The following TEAD1 variants were observed in gnomAD, a reference collection of about 807,000 sequenced individuals.
TEAD1 encodes the protein transcriptional enhancer factor TEF-1.
TEAD1 carries 9 observed loss-of-function variants against 54.9 expected under a neutral mutation model. The ratio of observed to expected loss-of-function variants is 0.16; its 90% CI spans 0.10 to 0.29. The LOEUF (loss-of-function observed/expected upper bound fraction) is 0.29, where lower values mean the gene tolerates loss of function less well. Ranked by LOEUF, TEAD1 falls within the 10% of genes least tolerant of loss-of-function variation. TEAD1 has a pLI of 1.00. For synonymous variants in TEAD1, 200 were observed against 187.8 expected (o/e 1.07, Z -0.53); for missense variants, 387 against 535.9 (o/e 0.72, Z 2.74).
intron 3 of TEAD1, among the ~76,000 whole-genome samples, chr11:12,779,531 T>G (rs1236582460): frequency 6.6e-6 from 1 of 152,196 alleles, no homozygotes; most frequent in African/African-American, 2.4e-5. Flanking sequence ...ATCTCACAAC[T>G]TCAGTGTGAA....
intron 2 of TEAD1, among the ~76,000 whole-genome samples, chr11:12,720,006 C>A (rs77206622): frequency 1.2e-5 from 1 of 84,510 alleles, no homozygotes; most frequent in African/African-American, 4.3e-5. Context: ...GGGGGGGACC[C>A]AGCCATGCTG....
At chr11:12,837,793 T>TC (rs58426478) in intron 3 of TEAD1, among the ~76,000 whole-genome samples, 2 of 18,484 alleles carry the variant, frequency 1.1e-4, no homozygotes, top group Non-Finnish European at 2.6e-4. Context: ...TCTTCCTTCT[T>TC]TCTTCCTTCT....
chr11:12,875,590 G>A (rs1374313192), intron 5 of TEAD1, among the ~76,000 whole-genome samples: 1 of 152,180 alleles, frequency 6.6e-6, no homozygotes, highest in African/African-American at 2.4e-5. Context: ...ATAAAGGGGA[G>A]ATGTTATAAA....
chr11:12,851,023 C>T, intron 3 of TEAD1: 2 of 917,450 alleles, frequency 2.2e-6, no homozygotes, highest in Non-Finnish European at 2.6e-6. Context: ...ATTGGCAGTG[C>T]TGTCTAATTT....
At chr11:12,914,056 ACT>A (rs1948665552) in intron 10 of TEAD1, among the ~76,000 whole-genome samples, 1 of 151,670 alleles carries the variant, frequency 6.6e-6, no homozygotes, top group African/African-American at 2.4e-5. Flanking sequence ...CTGAGACCTG[ACT>A]CTTTCATCCT....
intron 3 of TEAD1, among the ~76,000 whole-genome samples, chr11:12,814,840 T>TCC (rs1176512685): frequency 5.1e-4 from 71 of 139,306 alleles, no homozygotes; most frequent in Middle Eastern, 3.7e-3. Flanking sequence ...TGTGTGTGTG[T>TCC]CCCCGTCCGT....
chr11:12,906,414 C>T lies in TEAD1; in HGVS notation c.873+4301C>T, dbSNP rs564188175. On this transcript the variant is annotated intron_variant, in intron 10 of 12. Transcript: ENST00000527636. ...AAATTAGCCGGGTGTGGTGGCGGGC[C>T]CCTCTAGTCCCAGCTACTTGGGAGG... is the stretch of plus-strand genomic sequence containing the variant. 4.0e-4 allele frequency among the ~76,000 whole-genome samples: 61 copies of T among 151,620 alleles called. No individual in the cohort carries two copies. The South Asian group carries it at 0.012, about 29-fold the overall frequency.
At chr11:12,798,704 G>A (rs1352334045) in intron 3 of TEAD1, among the ~76,000 whole-genome samples, 3 of 152,232 alleles carry the variant, frequency 2.0e-5, no homozygotes, top group Admixed American at 2.0e-4. Flanking sequence ...TGTATTTACG[G>A]TTGAGTTTGG....
chr11:12,703,463 G>T (rs1943745293), intron 2 of TEAD1, among the ~76,000 whole-genome samples: 1 of 152,150 alleles, frequency 6.6e-6, no homozygotes, highest in Admixed American at 6.5e-5. Context: ...TGTTTTGCCT[G>T]CCCAAGCCTC....
chr11:12,732,158 A>G (rs1944437020), intron 2 of TEAD1, among the ~76,000 whole-genome samples: 2 of 151,996 alleles, frequency 1.3e-5, no homozygotes, highest in Admixed American at 6.6e-5. Flanking sequence ...TCAGCTGGTC[A>G]TTATATCCTT....
chr11:12,800,315 C>T (rs1297361197), intron 3 of TEAD1, among the ~76,000 whole-genome samples: 1 of 152,224 alleles, frequency 6.6e-6, no homozygotes, highest in South Asian at 2.1e-4. Context: ...TGTGATCTTG[C>T]ATAAATTATC....
At chr11:12,925,116 T>C (rs1948883098) in intron 11 of TEAD1, 64 bp downstream of exon 11, 1 of 1,583,152 alleles carries the variant, frequency 6.3e-7, no homozygotes, top group South Asian at 1.1e-5. Flanking sequence ...CCTTTAAACC[T>C]TCCTTGGGGC....
At position 12,835,438 on chromosome 11, in the gene TEAD1, T is replaced by A. The variant is rs1040275053; in HGVS notation, c.203-26812T>A. On this transcript the variant is annotated intron_variant, in intron 3 of 12. Coordinates refer to ENST00000527636, the MANE Select transcript of TEAD1 (RefSeq NM_021961.6). ...GTCACTGCAGCTTCAGCCTCCCAAGTAGGTGGAATTATAGGCTCGTGCCAG... is the reference window on the plus strand; with the variant it reads ...GTCACTGCAGCTTCAGCCTCCCAAGAAGGTGGAATTATAGGCTCGTGCCAG... Among the ~76,000 whole-genome samples, 8 of 151,768 alleles carry A rather than the reference T, an allele frequency of 5.3e-5. No individual in the cohort carries two copies. The East Asian group carries it at 9.7e-4, about 18-fold the overall frequency.
At position 12,848,328 on chromosome 11, in the gene TEAD1, T is replaced by C. The variant is rs181432781; in HGVS notation, c.203-13922T>C. 8.5e-5 allele frequency among the ~76,000 whole-genome samples: 13 copies of C among 152,264 alleles called. No individual in the cohort carries two copies. In the East Asian group the frequency reaches 2.5e-3, roughly 29 times the overall value. On this transcript the variant is annotated intron_variant, in intron 3 of 12. Transcript: ENST00000527636. Reference sequence around the variant, plus strand: ...CCAGATTATGTAGGCCTTGGATGCTTAGAGAGTTGAGGCTTTATTCTTCTG... The same window carrying C: ...CCAGATTATGTAGGCCTTGGATGCTCAGAGAGTTGAGGCTTTATTCTTCTG...
chr11:12,757,197 G>A (rs1366589713), intron 2 of TEAD1, among the ~76,000 whole-genome samples: 1 of 152,104 alleles, frequency 6.6e-6, no homozygotes, highest in Non-Finnish European at 1.5e-5. Context: ...TCTGTATGCT[G>A]CCCTTTGCTC....
At chr11:12,906,835 TC>T (rs991953287) in intron 10 of TEAD1, among the ~76,000 whole-genome samples, 1 of 152,206 alleles carries the variant, frequency 6.6e-6, no homozygotes, top group Non-Finnish European at 1.5e-5. Context: ...TTGAGGTGCA[TC>T]CTTTTTATTG....
chr11:12,703,732 C>T (rs1943753784), intron 2 of TEAD1, among the ~76,000 whole-genome samples: 1 of 152,156 alleles, frequency 6.6e-6, no homozygotes, highest in Admixed American at 6.5e-5. Context: ...AATTTGGGGC[C>T]ACTGGAATTC....
chr11:12,713,844 C>G lies in TEAD1; in HGVS notation c.-55+38283C>G, dbSNP rs577784809. 3.9e-5 allele frequency among the ~76,000 whole-genome samples: 6 copies of G among 152,284 alleles called. No individual in the cohort carries two copies. The South Asian group carries it at 8.3e-4, about 21-fold the overall frequency. ...TGTTCAGCAAATGGCTGCAGCAGCTCCCGGCATCACATCTCCATACTAATG... is the reference window on the plus strand; with the variant it reads ...TGTTCAGCAAATGGCTGCAGCAGCTGCCGGCATCACATCTCCATACTAATG... On this transcript the variant is annotated intron_variant, in intron 2 of 12. Coordinates refer to ENST00000527636, the MANE Select transcript of TEAD1 (RefSeq NM_021961.6).
intron 2 of TEAD1, among the ~76,000 whole-genome samples, chr11:12,709,212 C>T (rs1049218465): frequency 1.3e-5 from 2 of 151,982 alleles, no homozygotes; most frequent in African/African-American, 4.8e-5. Flanking sequence ...ATGGTGTGCA[C>T]CTGTGGTCCT....
Sources: allele counts gnomAD v4.1 joint callset (sites outside exome capture counted in the v4.1 genomes callset), GRCh38; gene constraint gnomAD v4.1.1; transcripts MANE v1.5; gene names NCBI Gene and HGNC (gene_info 2026-07-23, HGNC 2026-07-21).